NDC80: variants seen among roughly 807,000 people sequenced by gnomAD.
NDC80 encodes the protein kinetochore protein NDC80 homolog.
NDC80 carries 69 observed loss-of-function variants against 89.3 expected under a neutral mutation model. The observed-to-expected ratio is 0.77, with a 90% CI of 0.64 to 0.94. The LOEUF (loss-of-function observed/expected upper bound fraction) is 0.94, where lower values mean the gene tolerates loss of function less well. Ranked by LOEUF, NDC80 falls within the 40% of genes least tolerant of loss-of-function variation. NDC80 has a pLI of 0.00. For missense variants in NDC80, 593 were observed against 739.6 expected (o/e 0.80, Z 2.30); for synonymous variants, 243 against 255.6 (o/e 0.95, Z 0.47).
intron 16 of NDC80, among the ~76,000 whole-genome samples, chr18:2,613,746 T>C (rs1390301621): frequency 6.6e-6 from 1 of 152,186 alleles, no homozygotes; most frequent in East Asian, 1.9e-4. Context: ...TTTACCTTTC[T>C]TAAAATTAAG....
chr18:2,573,679 G>A (rs948293385), intron 2 of NDC80, among the ~76,000 whole-genome samples: 5 of 152,314 alleles, frequency 3.3e-5, no homozygotes, highest in Middle Eastern at 6.8e-3. Context: ...CGAGGTACAA[G>A]TTACTTGCTA....
At chr18:2,577,167 A>G (rs931105471) in intron 3 of NDC80, 1 of 151,602 alleles carries the variant, frequency 6.6e-6, no homozygotes, top group Non-Finnish European at 1.5e-5. Context: ...TAAATCTTTC[A>G]ATCAATCCTC....
intron 13 of NDC80, among the ~76,000 whole-genome samples, chr18:2,605,326 G>GTA (rs2072705971): frequency 8.9e-6 from 1 of 112,822 alleles, no homozygotes; most frequent in Admixed American, 9.1e-5. Context: ...GTGTGTGTGT[G>GTA]TGTATGTACA....
intron 14 of NDC80, among the ~76,000 whole-genome samples, chr18:2,607,983 A>ATG (rs1313112141): frequency 7.9e-6 from 1 of 125,894 alleles, no homozygotes; most frequent in East Asian, 2.5e-4. Flanking sequence ...ATATATATAT[A>ATG]TATATATATA....
chr18:2,610,145 T>C (rs2072735098), intron 15 of NDC80, among the ~76,000 whole-genome samples: 1 of 152,198 alleles, frequency 6.6e-6, no homozygotes, highest in African/African-American at 2.4e-5. Context: ...TTTCTGTCTC[T>C]GTGTATATAA....
At chr18:2,587,987 T>A in intron 8 of NDC80, 64 bp downstream of exon 8, 3 of 1,267,454 alleles carry the variant, frequency 2.4e-6, no homozygotes, top group Non-Finnish European at 2.3e-6. Flanking sequence ...GGAGTGGTAA[T>A]TTATTTACCA....
intron 16 of NDC80, among the ~76,000 whole-genome samples, chr18:2,615,798 T>C (rs2072781317): frequency 6.6e-6 from 1 of 152,180 alleles, no homozygotes; most frequent in Admixed American, 6.5e-5. Context: ...TAAAATACTA[T>C]ATGAAAAAGT....
chr18:2,587,746 C>T, intron 7 of NDC80, 84 bp from the exon 8 acceptor site: 1 of 1,071,644 alleles, frequency 9.3e-7, no homozygotes, highest in Non-Finnish European at 1.4e-6. Context: ...TTTTTAAATT[C>T]AAATATAAAT....
At chr18:2,592,390 C>A (rs1377308756) in intron 10 of NDC80, among the ~76,000 whole-genome samples, 1 of 148,484 alleles carries the variant, frequency 6.7e-6, no homozygotes, top group Non-Finnish European at 1.5e-5. Context: ...GAGTGTCACT[C>A]TGTCGCCCAG....
intron 7 of NDC80, among the ~76,000 whole-genome samples, chr18:2,586,282 T>G (rs958007909): frequency 3.3e-5 from 5 of 152,124 alleles, no homozygotes; most frequent in Admixed American, 1.3e-4. Flanking sequence ...ACATGCGCCT[T>G]TACTACTTCA....
chr18:2,605,314 G>T (rs1328010670), intron 13 of NDC80, among the ~76,000 whole-genome samples: 3 of 146,780 alleles, frequency 2.0e-5, no homozygotes, highest in African/African-American at 7.9e-5. Flanking sequence ...GTGTGTGTGT[G>T]TGTGTGTGTG....
intron 6 of NDC80, 104 bp from the exon 7 acceptor site, chr18:2,585,009 A>G: frequency 1.3e-6 from 1 of 751,498 alleles, no homozygotes; most frequent in East Asian, 2.6e-5. Flanking sequence ...TAGTTACACA[A>G]TAATGTAAAT....
intron 6 of NDC80, 83 bp downstream of exon 6, chr18:2,579,112 A>G: frequency 1.3e-6 from 1 of 767,290 alleles, no homozygotes; most frequent in Non-Finnish European, 1.9e-6. Flanking sequence ...CAGTCTTTTG[A>G]CAGTATTCTC....
At chr18:2,604,612 T>A (rs1441348707) in intron 13 of NDC80, among the ~76,000 whole-genome samples, 1 of 152,068 alleles carries the variant, frequency 6.6e-6, no homozygotes, top group East Asian at 1.9e-4. Context: ...GCCCTGGAGG[T>A]GGAGGCTGCA....
At chr18:2,591,874 C>A (rs1426988668) in intron 10 of NDC80, among the ~76,000 whole-genome samples, 1 of 151,596 alleles carries the variant, frequency 6.6e-6, no homozygotes, top group East Asian at 1.9e-4. Context: ...TCTGCCTCAG[C>A]CTCCTGAGTA....
At chr18:2,609,913 A>G (rs2072733694) in intron 15 of NDC80, among the ~76,000 whole-genome samples, 1 of 152,248 alleles carries the variant, frequency 6.6e-6, no homozygotes, top group Non-Finnish European at 1.5e-5. Context: ...ATAAGCAAAC[A>G]TGAAATTTGC....
chr18:2,614,657 T>TAAAG (rs200737949), intron 16 of NDC80, among the ~76,000 whole-genome samples: 1 of 65,668 alleles, frequency 1.5e-5, no homozygotes, highest in Non-Finnish European at 3.1e-5. Context: ...AAGAAAGAAA[T>TAAAG]AAATTTGGCA....
Position 2,578,978 on chromosome 18 carries a change from T to C in NDC80, c.528T>C (p.His176=), listed in dbSNP as rs1391961354. The change falls in exon 6 of 17, where the codon CAT becomes CAC. Residue 176 remains histidine, a synonymous_variant. Transcript: ENST00000261597. ...KSSMYTVGAP[H]TWPHIVAALV... The stretch of plus-strand genomic sequence containing the variant: ...CCATGTACACAGTGGGGGCTCCTCA[T>C]ACATGGCCTCACATTGTGGCAGCCT... 1 of 1,576,928 alleles carries C rather than the reference T, an allele frequency of 6.3e-7. No individual in the cohort carries two copies. Among genetic ancestry groups the C allele is most frequent in the Non-Finnish European group, 8.6e-7 (1 of 1,161,806 alleles).
At position 2,589,220 on chromosome 18, in the gene NDC80, G is replaced by A. The variant is rs1448058575; in HGVS notation, c.780G>A (p.Val260=). 1.2e-6 allele frequency: 2 copies of A among 1,610,954 alleles called. No individual in the cohort carries two copies. Among genetic ancestry groups the A allele is most frequent in the South Asian group, 2.2e-5 (2 of 90,952 alleles). The change falls in exon 9 of 17, where the codon GTG becomes GTA. Residue 260 remains valine, a synonymous_variant. Transcript: ENST00000261597. ...TGTCTCCAGAGGATTTATTTAATGT[G>A]GATGCTTTTAAGCTGGAATCATTAG... ...LQSKLKDLFN[V]DAFKLESLEA...
Sources: allele counts gnomAD v4.1 joint callset (sites outside exome capture counted in the v4.1 genomes callset), GRCh38; gene constraint gnomAD v4.1.1; transcripts MANE v1.5; gene names NCBI Gene and HGNC (gene_info 2026-07-23, HGNC 2026-07-21).